Variants in PPP2CA observed in about 807,000 individuals in gnomAD.
The protein encoded by PPP2CA is serine/threonine-protein phosphatase 2A catalytic subunit alpha isoform.
PPP2CA carries 5 observed loss-of-function variants against 38.8 expected under a neutral mutation model. The observed-to-expected ratio is 0.13, with a 90% CI of 0.07 to 0.27. The LOEUF is 0.27. PPP2CA is among the 10% of genes least tolerant of loss of function. The pLI, the probability that PPP2CA is intolerant of heterozygous loss-of-function variation, is 1.00. For synonymous variants in PPP2CA, 152 were observed against 134.0 expected, an observed-to-expected ratio of 1.13 and a Z score of -0.93; for missense variants, 88 against 389.7, an observed-to-expected ratio of 0.23 and a Z score of 6.52.
chr5:134,215,686 G>A (rs961471511), intron 1 of PPP2CA, among the ~76,000 whole-genome samples: 3 of 152,172 alleles, frequency 2.0e-5, no homozygotes, highest in Admixed American at 6.5e-5. Context: ...ATATCCTCCT[G>A]CCCTGGCCTC....
In PPP2CA at chr5:134,197,020, C is replaced by A. The variant is rs530066140; in HGVS notation, c.*752G>T. The A allele has an allele frequency of 6.5e-6, 1 of 152,724 alleles. No homozygotes were observed. The highest frequency in any genetic ancestry group is 6.5e-5 in the Admixed American group (1 of 15,292). 9.5% of individuals were successfully genotyped at this position (152,724 alleles called of 1,614,324 possible). ...ACAAGTCTACAAATTCTAAAATTTA[C>A]TCAATTGATTTAACTTTTTTAATAA... On this transcript the variant is annotated 3_prime_UTR_variant, in exon 7 of 7. Coordinates refer to ENST00000481195, the MANE Select transcript of PPP2CA (RefSeq NM_002715.4).
chr5:134,223,099 T>C (rs1762479243), intron 1 of PPP2CA, among the ~76,000 whole-genome samples: 1 of 152,226 alleles, frequency 6.6e-6, no homozygotes, highest in Non-Finnish European at 1.5e-5. Context: ...TTTAGGTGGG[T>C]AGAAGGAAGG....
At position 134,197,733 on chromosome 5, in the gene PPP2CA, A is replaced by G; in HGVS notation, c.*39T>C. The G allele has an allele frequency of 1.3e-6, 2 of 1,497,192 alleles. No homozygotes were observed. The highest frequency in any genetic ancestry group is 1.9e-6 in the Non-Finnish European group (2 of 1,074,362). The allele number at this position is 1,497,192 out of a possible 1,614,324, so 92.7% of individuals were successfully genotyped here. On this transcript the variant is annotated 3_prime_UTR_variant, in exon 7 of 7. Transcript: ENST00000481195. ...CTCTTCCCATTTCCATTAGGTCGATATATGGTTCATGGCAATACTGTACAA... is the reference window on the plus strand; with the variant it reads ...CTCTTCCCATTTCCATTAGGTCGATGTATGGTTCATGGCAATACTGTACAA...
intron 6 of PPP2CA, among the ~76,000 whole-genome samples, chr5:134,198,131 C>A (rs1761892436): frequency 6.6e-6 from 1 of 152,198 alleles, no homozygotes; most frequent in African/African-American, 2.4e-5. Flanking sequence ...TGGCTCACGC[C>A]TGTAATCCCA....
At chr5:134,222,537 C>CT (rs34161191) in intron 1 of PPP2CA, among the ~76,000 whole-genome samples, 4,166 of 149,708 alleles carry the variant, frequency 0.028, 132 homozygotes, top group African/African-American at 0.076. Flanking sequence ...TAAAGAACTT[C>CT]TTTGAAAAAA....
intron 1 of PPP2CA, chr5:134,224,226 C>T (rs1371045119): frequency 8.9e-6 from 4 of 449,428 alleles, no homozygotes; most frequent in Non-Finnish European, 1.8e-5. Context: ...TTTTTAAAGG[C>T]CAATTTTAAA....
At chr5:134,213,665 C>T (rs1762255971) in intron 1 of PPP2CA, among the ~76,000 whole-genome samples, 1 of 151,880 alleles carries the variant, frequency 6.6e-6, no homozygotes, top group Non-Finnish European at 1.5e-5. Context: ...ACTCTGTGGT[C>T]CCAGCTGCTA....
chr5:134,216,362 C>T (rs777918972), intron 1 of PPP2CA, among the ~76,000 whole-genome samples: 24 of 151,314 alleles, frequency 1.6e-4, no homozygotes, highest in Non-Finnish European at 2.8e-4. Context: ...CATGGCGAAA[C>T]ACCCCCTCCC....
chr5:134,219,456 C>T (rs1377774368), intron 1 of PPP2CA, among the ~76,000 whole-genome samples: 2 of 152,050 alleles, frequency 1.3e-5, no homozygotes, highest in African/African-American at 2.4e-5. Context: ...ACTCCTCGTC[C>T]CCATCTAGGA....
rs767591959 is a variant in PPP2CA, at chr5:134,206,088, C to T, written c.146G>A (p.Arg49Gln). Residue 49 changes from arginine (R) to glutamine (Q), a missense_variant, in exon 2 of 7, where the codon CGA becomes CAA. Arg to Gln is a conservative substitution (Grantham distance 43, BLOSUM62 1). Transcript: ENST00000481195. ...ATCTCCACAGACAGTAACTGGACAT[C>T]GAACCTCTTGCACGTTGGATTCTTT... ...LTKESNVQEV[R>Q]CPVTVCGDVH... 6.2e-7 allele frequency: 1 copy of T among 1,614,148 alleles called. No individual in the cohort carries two copies. Among genetic ancestry groups the T allele is most frequent in the African/African-American group, 1.3e-5 (1 of 75,052 alleles).
chr5:134,197,462 A>C lies in PPP2CA; in HGVS notation c.*310T>G. On this transcript the variant is annotated 3_prime_UTR_variant, in exon 7 of 7. Transcript: ENST00000481195. ...AGTTAAATTGTATTCACGAGGTGTT[A>C]ATGTTTACATCTTATTATCTGCAGT... is the stretch of plus-strand genomic sequence containing the variant. 1 of 323,000 alleles carries C rather than the reference A, an allele frequency of 3.1e-6. No homozygotes were observed. Among genetic ancestry groups the C allele is most frequent in the Non-Finnish European group, 5.8e-6 (1 of 171,176 alleles). The allele number at this position is 323,000 out of a possible 1,614,324, so 20.0% of individuals were successfully genotyped here.
chr5:134,205,066 G>A (rs1405539740), intron 2 of PPP2CA, among the ~76,000 whole-genome samples: 5 of 151,434 alleles, frequency 3.3e-5, no homozygotes, highest in Non-Finnish European at 7.4e-5. Context: ...CTGAGTAGCT[G>A]GGACTACAGG....
chr5:134,209,530 A>G (rs1352592792), intron 1 of PPP2CA, among the ~76,000 whole-genome samples: 1 of 152,112 alleles, frequency 6.6e-6, no homozygotes, highest in African/African-American at 2.4e-5. Flanking sequence ...CCCAAATCCC[A>G]ATACTTTGCG....
At chr5:134,209,513 C>T (rs1762156717) in intron 1 of PPP2CA, among the ~76,000 whole-genome samples, 1 of 152,330 alleles carries the variant, frequency 6.6e-6, no homozygotes, top group Non-Finnish European at 1.5e-5. Flanking sequence ...TGGCTCACGC[C>T]TGTAATCCCA....
intron 4 of PPP2CA, among the ~76,000 whole-genome samples, chr5:134,200,717 A>G (rs900121823): frequency 1.3e-5 from 2 of 152,228 alleles, no homozygotes; most frequent in Non-Finnish European, 2.9e-5. Context: ...CCCAGCAGCA[A>G]CATGCCCTAA....
intron 1 of PPP2CA, among the ~76,000 whole-genome samples, chr5:134,206,967 G>C (rs1458000918): frequency 6.6e-6 from 1 of 152,196 alleles, no homozygotes; most frequent in Non-Finnish European, 1.5e-5. Context: ...ACAAAGGAAA[G>C]GGAGAGGGAA....
In PPP2CA at chr5:134,206,160, T is replaced by C. The variant is rs200058768; in HGVS notation, c.103-29A>G. The C allele has an allele frequency of 1.6e-3, 2,497 of 1,559,694 alleles. 9 individuals carry two copies. The highest frequency in any genetic ancestry group is 5.0e-3 in the Middle Eastern group (30 of 5,956). On this transcript the variant is annotated intron_variant, in intron 1 of 6. Transcript: ENST00000481195. ...CAGATGGGAGACAAAAATAAGGCAA[T>C]ACATTTGGCATTAAACAATATTAAC...
chr5:134,200,568 G>C, intron 4 of PPP2CA, 72 bp from the exon 5 acceptor site: 1 of 1,528,144 alleles, frequency 6.5e-7, no homozygotes, highest in Non-Finnish European at 8.9e-7. Context: ...TAATTCATCA[G>C]AAGCAGCACC....
At chr5:134,199,987 C>T (rs983116841) in intron 5 of PPP2CA, among the ~76,000 whole-genome samples, 7 of 152,150 alleles carry the variant, frequency 4.6e-5, no homozygotes, top group African/African-American at 1.2e-4. Context: ...TATTTCTTTC[C>T]AGTCTCTCCT....
Sources: gnomAD v4.1 joint callset for allele counts (sites outside exome capture counted in the v4.1 genomes callset) on GRCh38, gnomAD v4.1.1 for gene constraint, MANE v1.5 for transcripts, NCBI Gene and HGNC (gene_info 2026-07-23, HGNC 2026-07-21) for gene names.